The following SYN3 variants were observed in gnomAD, a reference collection of about 807,000 sequenced individuals.
The protein encoded by SYN3 is synapsin III, also known as synapsin-3.
SYN3 carries 35 observed loss-of-function variants against 65.8 expected under a neutral mutation model. The ratio of observed to expected loss-of-function variants is 0.53; its 90% confidence interval spans 0.41 to 0.70. The LOEUF (loss-of-function observed/expected upper bound fraction) is 0.70, where lower values mean the gene tolerates loss of function less well. Ranked by LOEUF, SYN3 falls within the 30% of genes least tolerant of loss-of-function variation. The pLI is 0.00. For missense variants in SYN3, 680 were observed against 749.0 expected, an observed-to-expected ratio of 0.91 and a Z score of 1.08; for synonymous variants, 270 against 292.9, an observed-to-expected ratio of 0.92 and a Z score of 0.80.
chr22:32,514,812 C>A (rs1021629945), intron 13 of SYN3, among the ~76,000 whole-genome samples: 1 of 152,144 alleles, frequency 6.6e-6, no homozygotes, highest in African/African-American at 2.4e-5. Context: ...GTCAGGAGAT[C>A]GAGACCATCC....
chr22:32,646,845 T>A (rs1156455659), intron 6 of SYN3, among the ~76,000 whole-genome samples: 1 of 152,172 alleles, frequency 6.6e-6, no homozygotes, highest in East Asian at 1.9e-4. Context: ...TGGTTCTGTT[T>A]TGGATGAGAT....
In SYN3 at chr22:32,789,081, G is replaced by A. The variant is rs980009182; in HGVS notation, c.711+75834C>T. ...GGCTCCGGCTCCAGGCCTCTGAGCC[G>A]CCTTCACTTTGCCTTAAAAATGCAA... On this transcript the variant is annotated intron_variant, in intron 6 of 13. Coordinates refer to ENST00000358763, the MANE Select transcript of SYN3 (RefSeq NM_003490.4). Among the ~76,000 whole-genome samples, 6 of 152,214 alleles carry A rather than the reference G, an allele frequency of 3.9e-5. 1 individual carries two copies. Among genetic ancestry groups the A allele is most frequent in the South Asian group, 2.1e-4 (1 of 4,834 alleles).
rs118137725 is a variant in SYN3 at position 33,056,816 on chromosome 22, C to G, written c.-163+1476G>C. On this transcript the variant is annotated intron_variant, in intron 1 of 13. Transcript: ENST00000358763. ...ATTTCCCAGCGAGCCCTTGTTCTTT[C>G]TACTACACCAATCTACACACAGCCT... Among the ~76,000 whole-genome samples, 138 of 152,268 alleles carry G rather than the reference C, an allele frequency of 9.1e-4. 1 individual carries two copies. The East Asian group carries it at 0.024, about 26-fold the overall frequency.
At chr22:32,861,162 T>C (rs1165265057) in intron 6 of SYN3, 1 of 125,392 alleles carries the variant, frequency 8.0e-6, no homozygotes, top group Non-Finnish European at 1.6e-5. Context: ...GAGCTGCCAA[T>C]TGAAACAGAA....
chr22:32,883,249 A>T (rs182713718), intron 4 of SYN3, among the ~76,000 whole-genome samples: 7 of 152,332 alleles, frequency 4.6e-5, no homozygotes, highest in African/African-American at 1.7e-4. Flanking sequence ...TAGGACCATA[A>T]CCCAGTAAGG....
At chr22:32,772,868 C>T (rs964500840) in intron 6 of SYN3, among the ~76,000 whole-genome samples, 4 of 152,158 alleles carry the variant, frequency 2.6e-5, no homozygotes, top group Non-Finnish European at 5.9e-5. Context: ...GAACTGACTT[C>T]GGACATCTGG....
At chr22:32,601,250 G>A (rs1213365962) in intron 6 of SYN3, among the ~76,000 whole-genome samples, 1 of 150,456 alleles carries the variant, frequency 6.6e-6, no homozygotes, top group Non-Finnish European at 1.5e-5. Context: ...CCTGATACTA[G>A]GGGAAATTTT....
intron 4 of SYN3, among the ~76,000 whole-genome samples, chr22:32,888,859 C>G (rs944947802): frequency 1.3e-5 from 2 of 152,022 alleles, no homozygotes; most frequent in Admixed American, 1.3e-4. Context: ...AATCTGAAAT[C>G]AAAAACCCTT....
chr22:32,854,340 G>A (rs1293754518), intron 6 of SYN3, among the ~76,000 whole-genome samples: 3 of 152,124 alleles, frequency 2.0e-5, no homozygotes, highest in African/African-American at 7.2e-5. Flanking sequence ...GCGGTGCCAA[G>A]CTGATTTCGA....
chr22:32,733,047 T>C (rs918885366), intron 6 of SYN3, among the ~76,000 whole-genome samples: 3 of 152,214 alleles, frequency 2.0e-5, no homozygotes, highest in African/African-American at 7.2e-5. Context: ...CTTCTCCCCA[T>C]GCCATGGTAT....
intron 4 of SYN3, among the ~76,000 whole-genome samples, chr22:32,878,739 C>T (rs2049046933): frequency 6.6e-6 from 1 of 152,134 alleles, no homozygotes; most frequent in Admixed American, 6.5e-5. Context: ...TTTTGTCACT[C>T]AATAGTATGA....
intron 3 of SYN3, among the ~76,000 whole-genome samples, chr22:32,948,887 AAAAG>A (rs930453040): frequency 1.7e-4 from 26 of 149,882 alleles, no homozygotes; most frequent in East Asian, 5.8e-4. Flanking sequence ...AAAAAAAAAA[AAAAG>A]AAAGAAAGAA....
At chr22:32,849,587 A>T in intron 6 of SYN3, 1 of 1,547,156 alleles carries the variant, frequency 6.5e-7, no homozygotes, top group South Asian at 1.2e-5. Flanking sequence ...TTTTGCCAGA[A>T]GAGTCCTGGC....
chr22:32,743,782 G>A (rs539772893), intron 6 of SYN3, among the ~76,000 whole-genome samples: 1 of 152,190 alleles, frequency 6.6e-6, no homozygotes, highest in South Asian at 2.1e-4. Flanking sequence ...TGGGCGGCCT[G>A]AGGCAACTGC....
intron 4 of SYN3, among the ~76,000 whole-genome samples, chr22:32,879,004 A>G (rs78732824): frequency 6.6e-5 from 10 of 152,286 alleles, no homozygotes; most frequent in African/African-American, 2.4e-4. Context: ...CACTTAAAAA[A>G]TTTTTGAAAA....
chr22:32,790,547 T>A lies in SYN3; in HGVS notation c.711+74368A>T, dbSNP rs2046303014. Among the ~76,000 whole-genome samples, 3 of 152,062 alleles carry A rather than the reference T, an allele frequency of 2.0e-5. No homozygotes were observed. The South Asian group carries it at 6.2e-4, about 32-fold the overall frequency. ...TTCAAGCAATTCTTATGCCTCAGCC[T>A]CCCAAGTAGCTGGGACTACAGGCAC... On this transcript the variant is annotated intron_variant, in intron 6 of 13. Coordinates refer to ENST00000358763, the MANE Select transcript of SYN3 (RefSeq NM_003490.4).
At chr22:32,617,850 T>C (rs1009051099) in intron 6 of SYN3, among the ~76,000 whole-genome samples, 4 of 151,614 alleles carry the variant, frequency 2.6e-5, no homozygotes, top group African/African-American at 9.7e-5. Context: ...TGAGGAGAGC[T>C]TGTCAGCTGC....
intron 6 of SYN3, among the ~76,000 whole-genome samples, chr22:32,725,829 C>G (rs2061183009): frequency 6.6e-6 from 1 of 152,234 alleles, no homozygotes; most frequent in Non-Finnish European, 1.5e-5. Flanking sequence ...TTATAGCAGC[C>G]TCAGGAAGCA....
chr22:32,712,266 T>C (rs564468290), intron 6 of SYN3, among the ~76,000 whole-genome samples: 3 of 152,346 alleles, frequency 2.0e-5, no homozygotes, highest in Admixed American at 6.5e-5. Flanking sequence ...TCTCAACTAA[T>C]GTGGCTTCTG....
Sources: gnomAD v4.1 joint callset for allele counts (sites outside exome capture counted in the v4.1 genomes callset) on GRCh38, gnomAD v4.1.1 for gene constraint, MANE v1.5 for transcripts, NCBI Gene and HGNC (gene_info 2026-07-23, HGNC 2026-07-21) for gene names.